AKAP11: variants seen among roughly 807,000 people sequenced by gnomAD.
AKAP11 encodes the protein A-kinase anchor protein 11.
A neutral mutation model predicts 146.1 loss-of-function variants in AKAP11; 36 were observed. The observed-to-expected ratio is 0.25, with a 90% CI of 0.19 to 0.33. The LOEUF (loss-of-function observed/expected upper bound fraction) is 0.33, where lower values mean the gene tolerates loss of function less well. Among genes scored for constraint, AKAP11 ranks in the 10% least tolerant of loss-of-function variants. The probability of loss-of-function intolerance (pLI) is 1.00; values close to 1 mark genes in which losing one functional copy is unlikely to be tolerated. For synonymous variants in AKAP11, 780 were observed against 786.5 expected, an observed-to-expected ratio of 0.99 and a Z score of 0.14; for missense variants, 2,201 against 2,197.0, an observed-to-expected ratio of 1.00 and a Z score of -0.04.
chr13:42,319,478 G>C lies in AKAP11; in HGVS notation c.*250G>C, dbSNP rs978102656. The C allele has an allele frequency of 2.7e-6, 1 of 373,384 alleles. No individual in the cohort carries two copies. The highest frequency in any genetic ancestry group is 4.6e-5 in the Admixed American group (1 of 21,918). The allele number at this position is 373,384 out of a possible 1,614,324, so 23.1% of individuals were successfully genotyped here. A position where few individuals can be genotyped will look rare whatever the true frequency, so the allele number is the denominator to read the frequency against. On this transcript the variant is annotated 3_prime_UTR_variant, in exon 13 of 13. Coordinates refer to ENST00000025301, the MANE Select transcript of AKAP11 (RefSeq NM_016248.4). The stretch of plus-strand genomic sequence containing the variant: ...TAGTGTGTCAAGACCCTAAGAACAT[G>C]TATTTGAAGGAAGGTCTAACCAGGG...
rs749093507 is a variant in AKAP11 at position 42,317,509 on chromosome 13, G to A, written c.5405-19G>A. On this transcript the variant is annotated intron_variant, in intron 11 of 12. Coordinates refer to ENST00000025301, the MANE Select transcript of AKAP11 (RefSeq NM_016248.4). The stretch of plus-strand genomic sequence containing the variant: ...AAATTGATGAGTTTTACTTTATATT[G>A]TTTACATTTAAATATTAGGTTTGGG... The A allele has an allele frequency of 1.4e-5, 22 of 1,604,444 alleles. No individual in the cohort carries two copies. The highest frequency in any genetic ancestry group is 1.7e-6 in the Non-Finnish European group (2 of 1,175,886).
At position 42,320,807 on chromosome 13, in the gene AKAP11, A is replaced by G. The variant is rs754498202; in HGVS notation, c.*1579A>G. On this transcript the variant is annotated 3_prime_UTR_variant, in exon 13 of 13. Transcript: ENST00000025301. ...TGAGGGCACTTACACATTAATGTGA[A>G]TTAGTAATTGTGGTATAGAAATGTT... is the stretch of plus-strand genomic sequence containing the variant. 1 of 152,338 alleles carries G rather than the reference A, an allele frequency of 6.6e-6. No individual in the cohort carries two copies. Among genetic ancestry groups the G allele is most frequent in the Non-Finnish European group, 1.5e-5 (1 of 68,034 alleles). The allele number at this position is 152,338 out of a possible 1,614,324, so 9.4% of individuals were successfully genotyped here. A position where few individuals can be genotyped will look rare whatever the true frequency, so the allele number is the denominator to read the frequency against.
In AKAP11 at chr13:42,320,232, A is replaced by AT. The variant is rs1209763291; in HGVS notation, c.*1009dup. On this transcript the variant is annotated 3_prime_UTR_variant, in exon 13 of 13. Coordinates refer to ENST00000025301, the MANE Select transcript of AKAP11 (RefSeq NM_016248.4). Reference sequence around the variant, plus strand: ...GAAGCCCAGTAGTTTTTATTGTTGGATTTTTGAAAAAACCTCTACCAAGAA... The same window carrying AT: ...GAAGCCCAGTAGTTTTTATTGTTGGATTTTTTGAAAAAACCTCTACCAAGAA... 6.6e-6 allele frequency: 1 copy of AT among 151,680 alleles called. No homozygotes were observed. The highest frequency in any genetic ancestry group is 2.4e-5 in the African/African-American group (1 of 41,212). 9.4% of individuals were successfully genotyped at this position (151,680 alleles called of 1,614,324 possible).
intron 1 of AKAP11, among the ~76,000 whole-genome samples, chr13:42,285,565 T>C (rs932297004): frequency 1.3e-5 from 2 of 152,242 alleles, no homozygotes; most frequent in Non-Finnish European, 2.9e-5. Flanking sequence ...AGATTTTAAA[T>C]GAATGGACAA....
chr13:42,318,629 TC>T (rs759771119), intron 12 of AKAP11, among the ~76,000 whole-genome samples: 30 of 152,202 alleles, frequency 2.0e-4, no homozygotes, highest in Non-Finnish European at 4.1e-4. Flanking sequence ...AAGCCATGTT[TC>T]CATTGAGGCT....
At chr13:42,276,463 C>G (rs1272737680) in intron 1 of AKAP11, among the ~76,000 whole-genome samples, 3 of 152,094 alleles carry the variant, frequency 2.0e-5, no homozygotes, top group Non-Finnish European at 2.9e-5. Context: ...CCAGGCTGGT[C>G]TCAAACTCCT....
At chr13:42,285,019 G>C (rs1200393705) in intron 1 of AKAP11, among the ~76,000 whole-genome samples, 1 of 152,180 alleles carries the variant, frequency 6.6e-6, no homozygotes, top group Admixed American at 6.5e-5. Context: ...GTGTGTGTTT[G>C]TGCACTCACG....
chr13:42,301,870 G>T lies in AKAP11; in HGVS notation c.3124G>T (p.Asp1042Tyr). The change falls in exon 8 of 13, where the codon GAT becomes TAT. Residue 1042 changes from aspartate (D) to tyrosine (Y), a missense_variant. Coordinates refer to ENST00000025301, the MANE Select transcript of AKAP11 (RefSeq NM_016248.4). ...ATCTGACTTGAAGGAATCTGCTAAG[G>T]ATCAACCACTGAAAAAGCATAACTT... is the stretch of plus-strand genomic sequence containing the variant. ...QKSDLKESAK[D>Y]QPLKKHNLNS... The T allele has an allele frequency of 1.2e-6, 2 of 1,614,152 alleles. No individual in the cohort carries two copies. Among genetic ancestry groups the T allele is most frequent in the Non-Finnish European group, 1.7e-6 (2 of 1,180,010 alleles).
At chr13:42,303,922 A>C (rs988511993) in intron 8 of AKAP11, 59 bp downstream of exon 8, 1 of 1,500,692 alleles carries the variant, frequency 6.7e-7, no homozygotes, top group Non-Finnish European at 8.9e-7. Flanking sequence ...ATGTGATCCT[A>C]TATGTCTTAG....
chr13:42,300,953 C>G lies in AKAP11; in HGVS notation c.2207C>G (p.Ser736Trp). Residue 736 changes from serine to tryptophan, a missense_variant, in exon 8 of 13, where the codon TCG becomes TGG. By Grantham distance (177) the Ser-to-Trp change is radical. Transcript: ENST00000025301. ...GTGAGTGCAGAAAGTGTAGTGCCAT[C>G]GACACAGGCTGTCACGTTTTCCCCT... The part of the protein sequence containing the change: ...KYVSAESVVP[S>W]TQAVTFSPSF... 1 of 1,614,064 alleles carries G rather than the reference C, an allele frequency of 6.2e-7. No homozygotes were observed. Among genetic ancestry groups the G allele is most frequent in the Non-Finnish European group, 8.5e-7 (1 of 1,179,956 alleles).
At chr13:42,275,397 C>A (rs906883279) in intron 1 of AKAP11, among the ~76,000 whole-genome samples, 1 of 152,242 alleles carries the variant, frequency 6.6e-6, no homozygotes, top group Admixed American at 6.5e-5. Context: ...CAGGTTTCTG[C>A]TTCTAGCACA....
intron 8 of AKAP11, among the ~76,000 whole-genome samples, chr13:42,304,673 G>A (rs1960158508): frequency 6.6e-6 from 1 of 151,964 alleles, no homozygotes; most frequent in Non-Finnish European, 1.5e-5. Context: ...CTCTTGATTG[G>A]TTCACAATCT....
intron 6 of AKAP11, among the ~76,000 whole-genome samples, 158 bp downstream of exon 6, chr13:42,297,340 G>C (rs943376502): frequency 1.3e-5 from 2 of 151,716 alleles, no homozygotes; most frequent in Non-Finnish European, 3.0e-5. Context: ...ATGAAGCATT[G>C]ACATCCCTGA....
Position 42,303,856 on chromosome 13 carries a change from G to A in AKAP11, c.5110G>A (p.Val1704Ile), listed in dbSNP as rs1413761164. 2.5e-6 allele frequency: 4 copies of A among 1,569,200 alleles called. No individual in the cohort carries two copies. Among genetic ancestry groups the A allele is most frequent in the Non-Finnish European group, 3.4e-6 (4 of 1,160,544 alleles). ...AGCTGTCACAAATGTTGGGCATGCTGTTAGCAGGTAAGTTTCACGTTTCTT... is the reference window on the plus strand; with the variant it reads ...AGCTGTCACAAATGTTGGGCATGCTATTAGCAGGTAAGTTTCACGTTTCTT... ...TAAVTNVGHAVSSSKEIEDFQ... is the reference protein window; with the variant it reads ...TAAVTNVGHAISSSKEIEDFQ... The change falls in exon 8 of 13, where the codon GTT (valine) becomes ATT (isoleucine). Residue 1704 changes from valine (V) to isoleucine (I), a missense_variant. Val to Ile is a conservative substitution (Grantham distance 29). Around this residue, in one of 3 missense-constraint regions of AKAP11, gnomAD observed 1,867 missense variants for 1,833.5 expected, o/e 1.02. Coordinates refer to ENST00000025301, the MANE Select transcript of AKAP11 (RefSeq NM_016248.4).
intron 1 of AKAP11, among the ~76,000 whole-genome samples, chr13:42,272,705 T>G (rs1958806339): frequency 6.6e-6 from 1 of 152,112 alleles, no homozygotes; most frequent in Non-Finnish European, 1.5e-5. Context: ...CCCCGGAGCC[T>G]TGGAAGCAGG....
rs539950356 is a variant in AKAP11, at chr13:42,302,998, C to T, written c.4252C>T (p.His1418Tyr). 83 of 1,613,282 alleles carry T rather than the reference C, an allele frequency of 5.1e-5. No homozygotes were observed. The South Asian group carries it at 5.2e-4, about 10-fold the overall frequency. The part of the protein sequence containing the change: ...ELLMFSNKEH[H>Y]QEADKKRQSK... Reference sequence around the variant, plus strand: ...GTTAATGTTTTCAAACAAAGAGCACCACCAAGAAGCAGACAAAAAGAGACA... The same window carrying T: ...GTTAATGTTTTCAAACAAAGAGCACTACCAAGAAGCAGACAAAAAGAGACA... Residue 1418 changes from histidine (H) to tyrosine (Y), a missense_variant, in exon 8 of 13, where the codon CAC (histidine) becomes TAC (tyrosine). His to Tyr is a moderately conservative substitution (Grantham distance 83). Transcript: ENST00000025301.
chr13:42,277,239 A>G (rs772219196), intron 1 of AKAP11, among the ~76,000 whole-genome samples: 1 of 152,262 alleles, frequency 6.6e-6, no homozygotes, highest in African/African-American at 2.4e-5. Context: ...ATTTGAGGGC[A>G]TATATCCTTT....
rs148727555 is a variant in AKAP11, at chr13:42,287,520, G to A, written c.51+1121G>A. Among the ~76,000 whole-genome samples the A allele has an allele frequency of 2.8e-3, 425 of 152,096 alleles. 1 individual carries two copies. The highest frequency in any genetic ancestry group is 9.7e-3 in the African/African-American group (404 of 41,526). ...AGGATGATCGCGATCTCCTGACCTC[G>A]TGATCTGCCTGCCTCGGCCTCCCAA... On this transcript the variant is annotated intron_variant, in intron 3 of 12. Coordinates refer to ENST00000025301, the MANE Select transcript of AKAP11 (RefSeq NM_016248.4).
chr13:42,306,002 C>T (rs1272584097), intron 8 of AKAP11, among the ~76,000 whole-genome samples: 2 of 152,054 alleles, frequency 1.3e-5, no homozygotes, highest in African/African-American at 4.8e-5. Flanking sequence ...TGGAGGAAGC[C>T]GCCCTCATGA....
Sources: allele counts gnomAD v4.1 joint callset (sites outside exome capture counted in the v4.1 genomes callset), GRCh38; gene constraint gnomAD v4.1.1; regional missense constraint gnomAD v4.1.1; transcripts MANE v1.5; gene names NCBI Gene and HGNC (gene_info 2026-07-23, HGNC 2026-07-21).